Variants in PRKAA2 observed in about 807,000 individuals in gnomAD.
PRKAA2 encodes the protein protein kinase AMP-activated catalytic subunit alpha 2, also known as 5'-AMP-activated protein kinase catalytic subunit alpha-2.
A neutral mutation model predicts 56.3 loss-of-function variants in PRKAA2; 40 were observed. The observed-to-expected ratio is 0.71, with a 90% confidence interval of 0.55 to 0.92. The LOEUF (loss-of-function observed/expected upper bound fraction) is 0.92. Among genes scored for constraint, PRKAA2 ranks in the 40% least tolerant of loss-of-function variants. The probability of loss-of-function intolerance (pLI) is 0.00; values close to 1 mark genes in which losing one functional copy is unlikely to be tolerated. For missense variants in PRKAA2, 542 were observed against 686.9 expected (o/e 0.79, Z 2.36); for synonymous variants, 214 against 234.2 (o/e 0.91, Z 0.79).
At chr1:56,664,976 C>G (rs1644024429) in intron 1 of PRKAA2, among the ~76,000 whole-genome samples, 1 of 151,634 alleles carries the variant, frequency 6.6e-6, no homozygotes, top group Non-Finnish European at 1.5e-5. Context: ...TACCTGTTTT[C>G]TATTGATATC....
chr1:56,672,028 T>C (rs1644080617), intron 1 of PRKAA2, among the ~76,000 whole-genome samples: 1 of 152,250 alleles, frequency 6.6e-6, no homozygotes, highest in African/African-American at 2.4e-5. Context: ...TTTTCATTTG[T>C]AGCATATATG....
intron 1 of PRKAA2, among the ~76,000 whole-genome samples, chr1:56,658,598 G>A (rs535753329): frequency 0.035 from 2,620 of 75,190 alleles, 110 homozygotes; most frequent in African/African-American, 0.13. Flanking sequence ...CCCCCCCCCC[G>A]CCATTTTTTG....
intron 1 of PRKAA2, among the ~76,000 whole-genome samples, chr1:56,655,280 A>ATATATATATTTTTTTTTTTTTTTTT: frequency 1.9e-4 from 18 of 93,640 alleles, no homozygotes; most frequent in Admixed American, 2.7e-4. Context: ...ATATATATAT[A>ATATATATATTTTTTTTTTTTTTTTT]TTTTTTTTTT....
At chr1:56,648,950 G>A (rs748577993) in intron 1 of PRKAA2, among the ~76,000 whole-genome samples, 1 of 152,020 alleles carries the variant, frequency 6.6e-6, no homozygotes, top group Non-Finnish European at 1.5e-5. Context: ...TGTAAATTGT[G>A]GATACAGATC....
chr1:56,677,241 A>G (rs759878902), intron 2 of PRKAA2, among the ~76,000 whole-genome samples: 69 of 152,230 alleles, frequency 4.5e-4, no homozygotes, highest in African/African-American at 1.6e-3. Context: ...AACTAATTCC[A>G]GTCCTCTTTC....
intron 2 of PRKAA2, among the ~76,000 whole-genome samples, chr1:56,681,690 C>T (rs1054026060): frequency 6.6e-6 from 1 of 152,046 alleles, no homozygotes; most frequent in South Asian, 2.1e-4. Context: ...ATTTCTGAGG[C>T]CTCTGCTCTG....
rs1336935547 is a variant in PRKAA2, at chr1:56,707,511, C to G, written c.1457C>G (p.Pro486Arg). Residue 486 changes from proline (P) to arginine (R), a missense_variant, in exon 9 of 9, where the codon CCT becomes CGT. Coordinates refer to ENST00000371244, the MANE Select transcript of PRKAA2 (RefSeq NM_006252.4). ...VVEQRSGSST[P>R]QRSCSAAGLH... is the part of the protein sequence containing the mutation. ...GAGCAGAGATCTGGTTCCTCAACACCTCAGCGTTCCTGTTCTGCTGCTGGC... is the reference window on the plus strand; with the variant it reads ...GAGCAGAGATCTGGTTCCTCAACACGTCAGCGTTCCTGTTCTGCTGCTGGC... 1.2e-6 allele frequency: 2 copies of G among 1,614,142 alleles called. No homozygotes were observed. Among genetic ancestry groups the G allele is most frequent in the Non-Finnish European group, 1.7e-6 (2 of 1,180,030 alleles).
intron 2 of PRKAA2, among the ~76,000 whole-genome samples, chr1:56,681,384 G>T (rs963952093): frequency 6.6e-6 from 1 of 152,034 alleles, no homozygotes; most frequent in African/African-American, 2.4e-5. Flanking sequence ...GTCAATTTTG[G>T]CTTTTGTTGC....
intron 2 of PRKAA2, among the ~76,000 whole-genome samples, chr1:56,690,160 A>G (rs1569773769): frequency 6.7e-6 from 1 of 149,956 alleles, no homozygotes. Flanking sequence ...TAGTATCATC[A>G]CATCTTTTTT....
intron 1 of PRKAA2, among the ~76,000 whole-genome samples, chr1:56,655,515 A>G (rs1332261265): frequency 6.6e-6 from 1 of 151,656 alleles, no homozygotes; most frequent in Non-Finnish European, 1.5e-5. Context: ...AATACAATCA[A>G]TATAAAGTAT....
chr1:56,697,213 G>T (rs1644264734), intron 6 of PRKAA2, among the ~76,000 whole-genome samples: 1 of 151,320 alleles, frequency 6.6e-6, no homozygotes, highest in Non-Finnish European at 1.5e-5. Context: ...TAGTAGAAAT[G>T]GAGTTTTGCC....
rs1358713930 is a variant in PRKAA2 at position 56,711,359 on chromosome 1, T to A, written c.*3646T>A. The A allele has an allele frequency of 1.3e-5, 2 of 152,102 alleles. No homozygotes were observed. The highest frequency in any genetic ancestry group is 4.8e-5 in the African/African-American group (2 of 41,442). The allele number at this position is 152,102 out of a possible 1,614,324, so 9.4% of individuals were successfully genotyped here. The stretch of plus-strand genomic sequence containing the variant: ...GATCTGTTTGGATTTATCTGTAGCA[T>A]TGAATAATGTGCAGTGTACTGAGTT... On this transcript the variant is annotated 3_prime_UTR_variant, in exon 9 of 9. Transcript: ENST00000371244.
chr1:56,655,280 A>ATATATATTTTTTTTTTTTT lies in PRKAA2; in HGVS notation c.94+9800_94+9801insATATATTTTTTTTTTTTTT. Among the ~76,000 whole-genome samples, 10 of 93,650 alleles carry ATATATATTTTTTTTTTTTT rather than the reference A, an allele frequency of 1.1e-4. 1 individual carries two copies. Among genetic ancestry groups the ATATATATTTTTTTTTTTTT allele is most frequent in the East Asian group, 9.4e-4 (2 of 2,138 alleles). 61.4% of individuals were successfully genotyped at this position (93,650 alleles called of 152,430 possible). A position where few individuals can be genotyped will look rare whatever the true frequency, so the allele number is the denominator to read the frequency against. ...TGTATTTATATATCTATATATATAT[A>ATATATATTTTTTTTTTTTT]TTTTTTTTTTTTTTTTGTAGAGACA... On this transcript the variant is annotated intron_variant, in intron 1 of 8. Transcript: ENST00000371244.
chr1:56,677,453 G>C (rs1223238961), intron 2 of PRKAA2, among the ~76,000 whole-genome samples: 1 of 152,268 alleles, frequency 6.6e-6, no homozygotes, highest in South Asian at 2.1e-4. Flanking sequence ...AAGTGGGGAA[G>C]GGAAAGATCT....
rs1644395258 is a variant in PRKAA2, at chr1:56,714,831, G to A, written c.*7118G>A. 6.6e-6 allele frequency: 1 copy of A among 151,954 alleles called. No individual in the cohort carries two copies. Among genetic ancestry groups the A allele is most frequent in the Non-Finnish European group, 1.5e-5 (1 of 67,962 alleles). The allele number at this position is 151,954 out of a possible 1,614,324, so 9.4% of individuals were successfully genotyped here. A position where few individuals can be genotyped will look rare whatever the true frequency, so the allele number is the denominator to read the frequency against. ...GAAAACAGCCATTTGGTTGTGTCAT[G>A]ACAATCATAATATAGGATATAATAT... On this transcript the variant is annotated 3_prime_UTR_variant, in exon 9 of 9. Transcript: ENST00000371244.
rs1370542105 is a variant in PRKAA2, at chr1:56,715,012, A to G, written c.*7299A>G. On this transcript the variant is annotated 3_prime_UTR_variant, in exon 9 of 9. Transcript: ENST00000371244. ...ATTGTTGAAATTGGGACCACTTTTT[A>G]TAATTGGTTTCAAGAAAAAAAAATG... 7.1e-6 allele frequency: 1 copy of G among 141,194 alleles called. No homozygotes were observed. Among genetic ancestry groups the G allele is most frequent in the Non-Finnish European group, 1.6e-5 (1 of 63,476 alleles). 8.7% of individuals were successfully genotyped at this position (141,194 alleles called of 1,614,324 possible). A position where few individuals can be genotyped will look rare whatever the true frequency, so the allele number is the denominator to read the frequency against.
chr1:56,704,999 C>G (rs1371156578), intron 7 of PRKAA2, among the ~76,000 whole-genome samples: 1 of 152,056 alleles, frequency 6.6e-6, no homozygotes, highest in Non-Finnish European at 1.5e-5. Flanking sequence ...TTACTCTCAG[C>G]CCACAGTTTG....
intron 7 of PRKAA2, 119 bp from the exon 8 acceptor site, chr1:56,705,973 T>TA: frequency 7.2e-6 from 6 of 834,712 alleles, no homozygotes; most frequent in Non-Finnish European, 1.1e-5. Flanking sequence ...ACCAGTAATA[T>TA]AAAAAAATTA....
At chr1:56,652,726 T>C (rs1036079761) in intron 1 of PRKAA2, among the ~76,000 whole-genome samples, 1 of 152,210 alleles carries the variant, frequency 6.6e-6, no homozygotes, top group Non-Finnish European at 1.5e-5. Flanking sequence ...TTGGAAAAGA[T>C]AAAATGCTAT....
Sources: allele counts gnomAD v4.1 joint callset (sites outside exome capture counted in the v4.1 genomes callset), GRCh38; gene constraint gnomAD v4.1.1; transcripts MANE v1.5; gene names NCBI Gene and HGNC (gene_info 2026-07-23, HGNC 2026-07-21).